The following RBFOX1 variants were observed in gnomAD, a reference collection of about 807,000 sequenced individuals.
RBFOX1 encodes the protein RNA binding fox-1 homolog 1.
In RBFOX1, 8 loss-of-function variants were observed where a neutral mutation model predicts 57.7. The observed-to-expected ratio is 0.14, with a 90% CI of 0.08 to 0.25. RBFOX1 has a LOEUF of 0.25. RBFOX1 is among the 10% of genes least tolerant of loss of function. RBFOX1 has a pLI of 1.00. For missense variants in RBFOX1, 611 were observed against 548.5 expected, an observed-to-expected ratio of 1.11 and a Z score of -1.14; for synonymous variants, 326 against 222.4, an observed-to-expected ratio of 1.47 and a Z score of -4.15.
At chr16:7,679,876 A>G (rs2074300733) in intron 14 of RBFOX1, among the ~76,000 whole-genome samples, 1 of 152,152 alleles carries the variant, frequency 6.6e-6, no homozygotes, top group Non-Finnish European at 1.5e-5. Flanking sequence ...AGGTAATTTT[A>G]TAGTCTCATT....
At position 5,920,090 on chromosome 16, in the gene RBFOX1, C is replaced by T. The variant is rs916738514; in HGVS notation, c.351+52755C>T. Among the ~76,000 whole-genome samples, 6 of 152,148 alleles carry T rather than the reference C, an allele frequency of 3.9e-5. No homozygotes were observed. In the South Asian group the frequency reaches 8.3e-4, roughly 21 times the overall value. On this transcript the variant is annotated intron_variant, in intron 4 of 19. Transcript: ENST00000641259. The stretch of plus-strand genomic sequence containing the variant: ...CGGGGACTACAGGCGCCCGCCACCA[C>T]ACCCAGCTAATTTTTTGCATTTTTT...
rs1028602148 is a variant in RBFOX1 at position 7,026,259 on chromosome 16, T to A, written c.-15-25798T>A. Among the ~76,000 whole-genome samples, 4 of 152,162 alleles carry A rather than the reference T, an allele frequency of 2.6e-5. 1 individual carries two copies. The highest frequency in any genetic ancestry group is 9.6e-5 in the African/African-American group (4 of 41,452). On this transcript the variant is annotated intron_variant, in intron 3 of 15. Coordinates refer to ENST00000550418, the MANE Select transcript of RBFOX1 (RefSeq NM_018723.4). ...ACCCATGAAGCTGCTGTTTTTCCTT[T>A]CCTGCTCCTGACTTGGAGGCGTGGA...
intron 3 of RBFOX1, among the ~76,000 whole-genome samples, chr16:5,785,243 G>A (rs1217124113): frequency 6.6e-6 from 1 of 152,194 alleles, no homozygotes; most frequent in Non-Finnish European, 1.5e-5. Flanking sequence ...TGGGATTGCA[G>A]TATGTTCAAC....
chr16:7,271,390 G>C (rs1245200206), intron 4 of RBFOX1, among the ~76,000 whole-genome samples: 2 of 151,912 alleles, frequency 1.3e-5, no homozygotes, highest in Non-Finnish European at 2.9e-5. Context: ...TCCATGTAGT[G>C]ATTTTTTTCT....
chr16:5,328,225 A>T (rs1420243428), intron 1 of RBFOX1, among the ~76,000 whole-genome samples: 2 of 152,166 alleles, frequency 1.3e-5, no homozygotes, highest in African/African-American at 2.4e-5. Context: ...GAAGCAATTA[A>T]GTTAAATAAG....
At chr16:6,985,647 G>A (rs931571792) in intron 3 of RBFOX1, among the ~76,000 whole-genome samples, 1 of 151,886 alleles carries the variant, frequency 6.6e-6, no homozygotes, top group Admixed American at 6.6e-5. Context: ...GACCAGCGTG[G>A]CAAAACCCCA....
intron 3 of RBFOX1, among the ~76,000 whole-genome samples, chr16:5,842,944 G>C (rs1187448946): frequency 3.3e-5 from 5 of 152,048 alleles, no homozygotes; most frequent in Non-Finnish European, 7.4e-5. Context: ...TCAGCCTCCT[G>C]AGTAGCTGGG....
chr16:6,406,415 CA>C (rs1399290739), intron 2 of RBFOX1, among the ~76,000 whole-genome samples: 8 of 152,012 alleles, frequency 5.3e-5, no homozygotes, highest in Non-Finnish European at 1.2e-4. Context: ...AAAACTTAGA[CA>C]AATATGGAAG....
At chr16:7,480,553 G>A (rs2063687135) in intron 4 of RBFOX1, among the ~76,000 whole-genome samples, 1 of 152,180 alleles carries the variant, frequency 6.6e-6, no homozygotes, top group Admixed American at 6.5e-5. Flanking sequence ...CTTTGGGAAA[G>A]CTGCAAGCCC....
intron 3 of RBFOX1, among the ~76,000 whole-genome samples, chr16:6,946,147 A>T (rs1168950643): frequency 6.6e-6 from 1 of 152,220 alleles, no homozygotes; most frequent in Non-Finnish European, 1.5e-5. Context: ...AAGTGGGATA[A>T]CTCATGATTA....
intron 4 of RBFOX1, among the ~76,000 whole-genome samples, chr16:5,985,102 C>G (rs371923270): frequency 1.3e-5 from 2 of 150,436 alleles, no homozygotes; most frequent in Non-Finnish European, 3.0e-5. Context: ...TCTCCTGTCT[C>G]AGCCTCCTGA....
At chr16:6,979,400 A>T (rs1360276462) in intron 3 of RBFOX1, among the ~76,000 whole-genome samples, 2 of 152,158 alleles carry the variant, frequency 1.3e-5, no homozygotes, top group African/African-American at 4.8e-5. Context: ...TGTGCGATAG[A>T]CCCACTAAAT....
At chr16:6,893,122 A>C (rs1355905033) in intron 3 of RBFOX1, among the ~76,000 whole-genome samples, 1 of 152,098 alleles carries the variant, frequency 6.6e-6, no homozygotes, top group Non-Finnish European at 1.5e-5. Context: ...ACAGGAGCTC[A>C]CTGTCTGCAG....
chr16:5,376,310 G>A (rs957599510), intron 1 of RBFOX1, among the ~76,000 whole-genome samples: 2 of 152,154 alleles, frequency 1.3e-5, no homozygotes, highest in South Asian at 2.1e-4. Flanking sequence ...CCTACCCTCA[G>A]TTGTGACTGT....
Position 6,964,563 on chromosome 16 carries a change from A to T in RBFOX1, c.-15-87494A>T, listed in dbSNP as rs544219644. On this transcript the variant is annotated intron_variant, in intron 3 of 15. Coordinates refer to ENST00000550418, the MANE Select transcript of RBFOX1 (RefSeq NM_018723.4). ...GCCTGTGTGGGGCCAGTGAGGGTATATGGGGAATCTCTTTATACTTGCTGA... is the reference window on the plus strand; with the variant it reads ...GCCTGTGTGGGGCCAGTGAGGGTATTTGGGGAATCTCTTTATACTTGCTGA... 2.6e-5 allele frequency among the ~76,000 whole-genome samples: 4 copies of T among 152,140 alleles called. No homozygotes were observed. The East Asian group carries it at 7.7e-4, about 29-fold the overall frequency.
intron 1 of RBFOX1, among the ~76,000 whole-genome samples, chr16:6,060,690 C>G (rs8048056): frequency 0.68 from 103,006 of 152,014 alleles, 35,025 homozygotes; most frequent in Non-Finnish European, 0.72. Context: ...CTTAAGACAA[C>G]AAAATATCCT....
At chr16:6,888,035 G>T (rs780689580) in intron 3 of RBFOX1, among the ~76,000 whole-genome samples, 10 of 152,130 alleles carry the variant, frequency 6.6e-5, no homozygotes, top group African/African-American at 2.2e-4. Context: ...TGAGGTGTTT[G>T]CTTGTGTGTC....
rs1224656025 is a variant in RBFOX1, at chr16:7,599,642, TTTTTTTTTC to T, written c.622+2220_622+2228del. On this transcript the variant is annotated intron_variant, in intron 9 of 15. Transcript: ENST00000550418. ...AGATGAAGAAATTAATAAAGACTTT[TTTTTTTTTC>T]TTTTTTTTTTTTGAGACAGGGTCTC... Among the ~76,000 whole-genome samples the T allele has an allele frequency of 1.2e-4, 4 of 34,178 alleles. 1 individual carries two copies. Among genetic ancestry groups the T allele is most frequent in the Non-Finnish European group, 1.6e-4 (1 of 6,366 alleles). The allele number at this position is 34,178 out of a possible 152,430, so 22.4% of individuals were successfully genotyped here.
intron 2 of RBFOX1, among the ~76,000 whole-genome samples, chr16:6,610,789 A>T (rs1277554323): frequency 6.6e-6 from 1 of 152,222 alleles, no homozygotes; most frequent in African/African-American, 2.4e-5. Flanking sequence ...TGACTTTCAC[A>T]TCCCCTGCTT....
Sources: allele counts gnomAD v4.1 joint callset (sites outside exome capture counted in the v4.1 genomes callset), GRCh38; gene constraint gnomAD v4.1.1; transcripts MANE v1.5; gene names NCBI Gene and HGNC (gene_info 2026-07-23, HGNC 2026-07-21).